Variants in USP7 observed in about 807,000 individuals in gnomAD.
USP7 encodes the protein ubiquitin specific peptidase 7, also known as ubiquitin C-terminal hydrolase 7.
USP7 carries 9 observed loss-of-function variants against 162.9 expected under a neutral mutation model. The observed-to-expected ratio is 0.06, with a 90% CI of 0.03 to 0.10. USP7 has a LOEUF of 0.10. USP7 is among the 10% of genes least tolerant of loss of function. The pLI is 1.00. For synonymous variants in USP7, 562 were observed against 475.9 expected (o/e 1.18, Z -2.35); for missense variants, 715 against 1,373.7 (o/e 0.52, Z 7.58).
chr16:8,902,582 T>G, intron 16 of USP7, 100 bp from the exon 17 acceptor site: 1 of 947,890 alleles, frequency 1.1e-6, no homozygotes, highest in Non-Finnish European at 1.5e-6. Flanking sequence ...TATATATATA[T>G]AGTCAATGTT....
intron 1 of USP7, chr16:8,956,353 T>C (rs1567249822): frequency 1.3e-5 from 2 of 152,182 alleles, no homozygotes; most frequent in African/African-American, 4.8e-5. Flanking sequence ...CAAACATTCA[T>C]GAAGTTAAAG....
intron 6 of USP7, 130 bp from the exon 7 acceptor site, chr16:8,917,286 G>T (rs1897423749): frequency 2.7e-6 from 3 of 1,096,984 alleles, no homozygotes; most frequent in African/African-American, 3.2e-5. Context: ...TGTTGTTAGG[G>T]CTTTTAACGA....
At chr16:8,936,549 A>T (rs2141242788) in intron 1 of USP7, 6 of 1,506,636 alleles carry the variant, frequency 4.0e-6, no homozygotes, top group Non-Finnish European at 5.3e-6. Flanking sequence ...ATCCATCACC[A>T]GCATAAGGAG....
chr16:8,933,986 A>G (rs1261438937), intron 1 of USP7, among the ~76,000 whole-genome samples: 2 of 151,984 alleles, frequency 1.3e-5, no homozygotes, highest in African/African-American at 4.8e-5. Context: ...CAAACTCATG[A>G]CCTCAAGTGA....
chr16:8,916,041 A>T (rs1436008794), intron 8 of USP7, among the ~76,000 whole-genome samples: 1 of 152,180 alleles, frequency 6.6e-6, no homozygotes, highest in Non-Finnish European at 1.5e-5. Flanking sequence ...CAACTGGAAG[A>T]ATGAGGATTT....
chr16:8,927,825 G>A (rs1039619188), intron 2 of USP7, among the ~76,000 whole-genome samples: 1 of 152,156 alleles, frequency 6.6e-6, no homozygotes. Context: ...GACACAACAA[G>A]AACCTATCTC....
chr16:8,940,403 G>A (rs141622349), intron 1 of USP7, among the ~76,000 whole-genome samples: 3 of 152,142 alleles, frequency 2.0e-5, no homozygotes, highest in African/African-American at 7.2e-5. Flanking sequence ...AGAACTCTTC[G>A]GCTTCTTGAA....
chr16:8,894,416 C>T (rs2061650056), intron 30 of USP7, 134 bp downstream of exon 30: 1 of 792,704 alleles, frequency 1.3e-6, no homozygotes, highest in Middle Eastern at 3.7e-4. Flanking sequence ...AATGCTATTG[C>T]TCCTGGTTCC....
chr16:8,948,666 A>G (rs1899404155), intron 1 of USP7, among the ~76,000 whole-genome samples: 1 of 152,216 alleles, frequency 6.6e-6, no homozygotes. Flanking sequence ...AAAGGGAACG[A>G]CTACTGGCTA....
chr16:8,911,188 A>G (rs1229711666), intron 10 of USP7, among the ~76,000 whole-genome samples: 2 of 152,216 alleles, frequency 1.3e-5, no homozygotes, highest in Non-Finnish European at 2.9e-5. Flanking sequence ...ACAAATGTGA[A>G]TGGCTGGCTG....
At chr16:8,906,625 C>CA (rs764230617) in intron 12 of USP7, 43 bp from the exon 13 acceptor site, 5 of 1,569,048 alleles carry the variant, frequency 3.2e-6, no homozygotes, top group African/African-American at 2.7e-5. Context: ...TTAATTTACA[C>CA]AAAAAATATC....
rs530879035 is a variant in USP7 at position 8,894,530 on chromosome 16, G to C, written c.3202+20C>G. 3.1e-5 allele frequency: 16 copies of C among 524,268 alleles called. No individual in the cohort carries two copies. The highest frequency in any genetic ancestry group is 7.4e-5 in the African/African-American group (2 of 26,978). The allele number at this position is 524,268 out of a possible 1,614,324, so 32.5% of individuals were successfully genotyped here. A position where few individuals can be genotyped will look rare whatever the true frequency, so the allele number is the denominator to read the frequency against. On this transcript the variant is annotated intron_variant, in intron 30 of 30. Transcript: ENST00000344836. ...TAGTCTGAAACCCACACCAGCCCCCGGGGGGGGGAGAACCCTTACCGGGCT... is the reference window on the plus strand; with the variant it reads ...TAGTCTGAAACCCACACCAGCCCCCCGGGGGGGGAGAACCCTTACCGGGCT...
intron 1 of USP7, 125 bp from the exon 2 acceptor site, chr16:8,930,522 G>C: frequency 1.6e-6 from 1 of 643,664 alleles, no homozygotes; most frequent in Admixed American, 3.5e-5. Flanking sequence ...CCACAATAAA[G>C]ATTCATTCTA....
chr16:8,923,575 T>C (rs1046696793), intron 2 of USP7, among the ~76,000 whole-genome samples, 162 bp from the exon 3 acceptor site: 2 of 152,242 alleles, frequency 1.3e-5, no homozygotes, highest in Non-Finnish European at 2.9e-5. Context: ...AAGACTGAGA[T>C]AACATACAGT....
At chr16:8,932,566 G>C (rs1013913918) in intron 1 of USP7, among the ~76,000 whole-genome samples, 1 of 152,066 alleles carries the variant, frequency 6.6e-6, no homozygotes, top group African/African-American at 2.4e-5. Context: ...ATGTCTTTTT[G>C]CTGGTTAACT....
chr16:8,963,328 C>T lies in USP7; in HGVS notation c.-43G>A. The T allele has an allele frequency of 1.2e-6, 1 of 864,312 alleles. No individual in the cohort carries two copies. The highest frequency in any genetic ancestry group is 8.8e-5 in the East Asian group (1 of 11,376). The allele number at this position is 864,312 out of a possible 1,614,324, so 53.5% of individuals were successfully genotyped here. ...CCTCGCCTGCGGCCGGGGGCCGGGGCTGCGAGCCCGGCGGGCGGGCGGCGG... is the reference window on the plus strand; with the variant it reads ...CCTCGCCTGCGGCCGGGGGCCGGGGTTGCGAGCCCGGCGGGCGGGCGGCGG... On this transcript the variant is annotated 5_prime_UTR_variant, in exon 1 of 31. Transcript: ENST00000344836.
At chr16:8,936,390 C>A (rs1898726101) in intron 1 of USP7, among the ~76,000 whole-genome samples, 1 of 152,180 alleles carries the variant, frequency 6.6e-6, no homozygotes, top group South Asian at 2.1e-4. Context: ...ACAATGAACT[C>A]ATTTAAATAT....
intron 25 of USP7, 170 bp from the exon 26 acceptor site, chr16:8,897,269 T>C: frequency 1.6e-6 from 1 of 608,210 alleles, no homozygotes; most frequent in South Asian, 1.9e-5. Context: ...TCACTCACAG[T>C]GAGGACACTG....
intron 1 of USP7, chr16:8,936,857 T>G: frequency 1.1e-6 from 1 of 874,176 alleles, no homozygotes; most frequent in Admixed American, 4.9e-5. Flanking sequence ...AGAATCTGAC[T>G]TTGGTTAACA....
Sources: allele counts gnomAD v4.1 joint callset (sites outside exome capture counted in the v4.1 genomes callset), GRCh38; gene constraint gnomAD v4.1.1; transcripts MANE v1.5; gene names NCBI Gene and HGNC (gene_info 2026-07-23, HGNC 2026-07-21).